Variants in HMOX2 observed in about 807,000 individuals in gnomAD.
The protein encoded by HMOX2 is heme oxygenase 2.
HMOX2 carries 30 observed loss-of-function variants against 33.7 expected under a neutral mutation model. The ratio of observed to expected loss-of-function variants is 0.89; its 90% CI spans 0.67 to 1.21. HMOX2 has a LOEUF of 1.21. Among genes scored for constraint, HMOX2 ranks in the 50% most tolerant of loss-of-function variants. HMOX2 has a pLI of 0.00. For synonymous variants in HMOX2, 155 were observed against 155.0 expected (o/e 1.00, Z 0.00); for missense variants, 403 against 399.1 (o/e 1.01, Z -0.08).
chr16:4,481,143 G>A (rs1211766091), intron 1 of HMOX2, among the ~76,000 whole-genome samples: 12 of 151,040 alleles, frequency 7.9e-5, no homozygotes, highest in Non-Finnish European at 1.3e-4. Context: ...TCAGGAGATC[G>A]AGACCATGCT....
At position 4,508,180 on chromosome 16, in the gene HMOX2, C is replaced by T. The variant is rs1002620029; in HGVS notation, c.672C>T (p.Asn224=). The change falls in exon 4 of 6, where the codon AAC becomes AAT. Residue 224 remains asparagine (N), a synonymous_variant. Coordinates refer to ENST00000570646, the MANE Select transcript of HMOX2 (RefSeq NM_002134.4). ...KTKERIVEEA[N]KAFEYNMQIF... ...AAGAGAGGATCGTGGAGGAGGCCAA[C>T]AAGGCTTTTGAGTATAACATGCAGG... The T allele has an allele frequency of 6.2e-7, 1 of 1,611,416 alleles. No homozygotes were observed. The highest frequency in any genetic ancestry group is 1.3e-5 in the African/African-American group (1 of 74,836).
Position 4,491,617 on chromosome 16 carries a change from G to A in HMOX2, c.-41-13867G>A, listed in dbSNP as rs139268808. ...CAGTGGGCCGAGATTATGCCACTGC[G>A]CTCCAGCCTGGGTGACAAAGTGAGA... On this transcript the variant is annotated intron_variant, in intron 1 of 5. Coordinates refer to ENST00000570646, the MANE Select transcript of HMOX2 (RefSeq NM_002134.4). Among the ~76,000 whole-genome samples, 1,224 of 152,018 alleles carry A rather than the reference G, an allele frequency of 8.1e-3. 8 individuals are homozygous for A. Among genetic ancestry groups the A allele is most frequent in the Non-Finnish European group, 0.013 (855 of 67,950 alleles).
chr16:4,483,327 G>C (rs2058080235), intron 1 of HMOX2, among the ~76,000 whole-genome samples: 1 of 151,854 alleles, frequency 6.6e-6, no homozygotes. Flanking sequence ...TAAGGGGGTA[G>C]GGCTGAAAGT....
intron 1 of HMOX2, among the ~76,000 whole-genome samples, chr16:4,503,667 G>A (rs913890521): frequency 2.0e-5 from 3 of 152,170 alleles, no homozygotes; most frequent in Admixed American, 2.0e-4. Flanking sequence ...AATCCCAGTA[G>A]AGATGCTAAA....
intron 2 of HMOX2, among the ~76,000 whole-genome samples, chr16:4,506,639 G>A (rs1412248923): frequency 2.0e-5 from 3 of 152,208 alleles, no homozygotes; most frequent in African/African-American, 4.8e-5. Context: ...ACACATGGAC[G>A]TGGGTACTAC....
intron 1 of HMOX2, among the ~76,000 whole-genome samples, chr16:4,504,708 T>TA (rs1376253102): frequency 1.7e-5 from 2 of 117,302 alleles, no homozygotes; most frequent in Non-Finnish European, 3.4e-5. Flanking sequence ...TTTTTTTTTT[T>TA]AAGACAGTTT....
chr16:4,495,508 A>G (rs2058396924), intron 1 of HMOX2: 1 of 152,214 alleles, frequency 6.6e-6, no homozygotes, highest in Admixed American at 6.5e-5. Context: ...AAGCCTAGGA[A>G]TAATACCTTA....
intron 1 of HMOX2, among the ~76,000 whole-genome samples, chr16:4,499,779 C>T (rs148347170): frequency 2.3e-3 from 350 of 152,258 alleles, no homozygotes; most frequent in Admixed American, 3.3e-3. Flanking sequence ...TCACACTGTA[C>T]CCCATAAATA....
chr16:4,506,797 G>C, intron 2 of HMOX2, 98 bp from the exon 3 acceptor site: 2 of 812,606 alleles, frequency 2.5e-6, no homozygotes, highest in South Asian at 2.9e-5. Flanking sequence ...TACAACAGGT[G>C]GTCACCTTGG....
chr16:4,489,784 G>T lies in HMOX2; in HGVS notation c.-42+13297G>T, dbSNP rs969768962. The stretch of plus-strand genomic sequence containing the variant: ...TCATCCAGCTAATTTTATAATTTTT[G>T]GGGGGAGGTAGCAACAGAGATCTCC... On this transcript the variant is annotated intron_variant, in intron 1 of 5. Coordinates refer to ENST00000570646, the MANE Select transcript of HMOX2 (RefSeq NM_002134.4). Among the ~76,000 whole-genome samples the T allele has an allele frequency of 4.6e-5, 7 of 152,058 alleles. No homozygotes were observed. In the East Asian group the frequency reaches 9.7e-4, roughly 21 times the overall value.
intron 1 of HMOX2, among the ~76,000 whole-genome samples, chr16:4,480,438 G>A (rs1376816444): frequency 6.8e-6 from 1 of 148,066 alleles, no homozygotes; most frequent in Non-Finnish European, 1.5e-5. Flanking sequence ...TCTGCCTCCT[G>A]GGTTCAAGTG....
chr16:4,506,622 A>C (rs2058699089), intron 2 of HMOX2, among the ~76,000 whole-genome samples: 1 of 152,212 alleles, frequency 6.6e-6, no homozygotes, highest in Admixed American at 6.5e-5. Flanking sequence ...GGTGGTTCCC[A>C]ACACAGACAC....
chr16:4,479,811 T>C (rs1333935059), intron 1 of HMOX2, among the ~76,000 whole-genome samples: 3 of 138,992 alleles, frequency 2.2e-5, no homozygotes, highest in Admixed American at 7.8e-5. Context: ...CAATCTCAGC[T>C]CACTGCAACC....
chr16:4,477,789 C>T (rs1457413450), intron 1 of HMOX2, among the ~76,000 whole-genome samples: 1 of 152,070 alleles, frequency 6.6e-6, no homozygotes, highest in Non-Finnish European at 1.5e-5. Context: ...GGCGGGGTGG[C>T]GCGTGTCTGT....
chr16:4,494,804 G>A (rs555858660), intron 1 of HMOX2, among the ~76,000 whole-genome samples: 49 of 152,108 alleles, frequency 3.2e-4, no homozygotes, highest in African/African-American at 7.0e-4. Flanking sequence ...ACTTGAGCCT[G>A]GGAAATCCAG....
At chr16:4,483,215 GTGTGTGTGTT>G (rs1377645623) in intron 1 of HMOX2, among the ~76,000 whole-genome samples, 3 of 69,388 alleles carry the variant, frequency 4.3e-5, no homozygotes, top group Non-Finnish European at 6.1e-5. Flanking sequence ...GTGTGTGTGT[GTGTGTGTGTT>G]TATGGAGGCT....
At chr16:4,500,228 G>C (rs1042626902) in intron 1 of HMOX2, among the ~76,000 whole-genome samples, 3 of 152,166 alleles carry the variant, frequency 2.0e-5, no homozygotes, top group Admixed American at 2.0e-4. Flanking sequence ...GCTGCAAACA[G>C]CCTTCTAGGA....
At chr16:4,491,693 C>T (rs9921781) in intron 1 of HMOX2, among the ~76,000 whole-genome samples, 17,146 of 151,790 alleles carry the variant, frequency 0.11, 2,020 homozygotes, top group African/African-American at 0.29. Flanking sequence ...AGATTTTTCT[C>T]TCTTTTCTTT....
intron 1 of HMOX2, among the ~76,000 whole-genome samples, chr16:4,492,078 T>A (rs988188906): frequency 6.6e-6 from 1 of 152,096 alleles, no homozygotes; most frequent in Non-Finnish European, 1.5e-5. Flanking sequence ...GTGTGGTGCC[T>A]CCTGACTGTA....
Sources: gnomAD v4.1 joint callset for allele counts (sites outside exome capture counted in the v4.1 genomes callset) on GRCh38, gnomAD v4.1.1 for gene constraint, MANE v1.5 for transcripts, NCBI Gene and HGNC (gene_info 2026-07-23, HGNC 2026-07-21) for gene names.